The following PATJ variants were observed in gnomAD, a reference collection of about 807,000 sequenced individuals.
PATJ encodes the protein inaD-like protein.
A neutral mutation model predicts 224.9 loss-of-function variants in PATJ; 190 were observed. That is an observed-to-expected ratio of 0.84 (90% CI 0.75 to 0.95). The LOEUF (loss-of-function observed/expected upper bound fraction) is 0.95. Ranked by LOEUF, PATJ falls within the 40% of genes least tolerant of loss-of-function variation. The pLI, the probability that PATJ is intolerant of heterozygous loss-of-function variation, is 0.00. For missense variants in PATJ, 2,121 were observed against 2,270.3 expected (o/e 0.93, Z 1.34); for synonymous variants, 769 against 820.3 (o/e 0.94, Z 1.07).
At chr1:62,106,158 G>GTGTGTGTATATATATATATATATATATA (rs1356937495) in intron 33 of PATJ, among the ~76,000 whole-genome samples, 4 of 48,064 alleles carry the variant, frequency 8.3e-5, no homozygotes, top group Non-Finnish European at 1.8e-4. Flanking sequence ...GTGTGTGTGT[G>GTGTGTGTATATATATATATATATATATA]TATATATATA....
chr1:61,854,671 C>T (rs1283652410), intron 17 of PATJ, among the ~76,000 whole-genome samples: 14 of 152,068 alleles, frequency 9.2e-5, no homozygotes, highest in South Asian at 4.1e-4. Context: ...GCCTCGGTTT[C>T]GTCATCTGTA....
intron 1 of PATJ, among the ~76,000 whole-genome samples, chr1:61,753,175 C>T (rs933828305): frequency 1.3e-5 from 2 of 152,160 alleles, no homozygotes; most frequent in Non-Finnish European, 2.9e-5. Context: ...TTACACTTGA[C>T]ATTGATCTTT....
intron 25 of PATJ, 67 bp from the exon 26 acceptor site, chr1:61,914,520 G>T: frequency 1.3e-6 from 1 of 740,950 alleles, no homozygotes. Context: ...AATGTCAAGA[G>T]AAAAAAAAGG....
chr1:62,083,100 A>T (rs1558144247), intron 32 of PATJ, among the ~76,000 whole-genome samples: 1 of 152,148 alleles, frequency 6.6e-6, no homozygotes, highest in Non-Finnish European at 1.5e-5. Flanking sequence ...AAACTATTCA[A>T]CATTTTGAAT....
chr1:61,833,598 C>G (rs1024657076), intron 16 of PATJ, 56 bp from the exon 17 acceptor site: 1 of 1,522,610 alleles, frequency 6.6e-7, no homozygotes, highest in Non-Finnish European at 8.9e-7. Flanking sequence ...TGTGTGCATT[C>G]TTTTCAGAAT....
chr1:62,127,310 T>TC (rs1665814878), intron 39 of PATJ, among the ~76,000 whole-genome samples: 1 of 152,202 alleles, frequency 6.6e-6, no homozygotes, highest in African/African-American at 2.4e-5. Context: ...GTGATGTCCT[T>TC]CCTGCAGGGT....
chr1:61,795,633 A>G, intron 10 of PATJ, 75 bp downstream of exon 10: 1 of 835,236 alleles, frequency 1.2e-6, no homozygotes, highest in South Asian at 1.5e-5. Context: ...TACATGTGAG[A>G]GGGGGAATAG....
intron 20 of PATJ, among the ~76,000 whole-genome samples, chr1:61,874,396 C>T (rs1667083091): frequency 6.6e-6 from 1 of 152,002 alleles, no homozygotes; most frequent in Non-Finnish European, 1.5e-5. Flanking sequence ...CAGGGTTTCC[C>T]CATGTTGGCT....
intron 31 of PATJ, among the ~76,000 whole-genome samples, chr1:62,062,434 A>G (rs139865080): frequency 0.014 from 618 of 43,014 alleles, 4 homozygotes; most frequent in Middle Eastern, 0.026. Context: ...TTTTGACAGG[A>G]TCTCACTGTG....
chr1:61,834,317 AT>A (rs1235417173), intron 17 of PATJ, among the ~76,000 whole-genome samples: 1 of 152,216 alleles, frequency 6.6e-6, no homozygotes, highest in Admixed American at 6.5e-5. Context: ...ATGTGCTTAA[AT>A]AAATAGAAGT....
At chr1:61,814,603 CATT>C (rs1183429324) in intron 14 of PATJ, among the ~76,000 whole-genome samples, 1 of 151,494 alleles carries the variant, frequency 6.6e-6, no homozygotes, top group African/African-American at 2.4e-5. Context: ...TTCCATGTAA[CATT>C]ATCATATATT....
intron 28 of PATJ, among the ~76,000 whole-genome samples, chr1:61,990,905 C>G (rs1645024291): frequency 6.6e-6 from 1 of 152,104 alleles, no homozygotes; most frequent in Admixed American, 6.6e-5. Context: ...GATGACTGAT[C>G]CTCTTTTAAT....
intron 33 of PATJ, among the ~76,000 whole-genome samples, chr1:62,087,922 G>A (rs1660226237): frequency 6.9e-6 from 1 of 144,190 alleles, no homozygotes; most frequent in African/African-American, 2.6e-5. Flanking sequence ...ACGGAGTTTC[G>A]CTCTCCTTGC....
At chr1:61,851,905 A>C (rs778142228) in intron 17 of PATJ, among the ~76,000 whole-genome samples, 1 of 152,030 alleles carries the variant, frequency 6.6e-6, no homozygotes, top group Non-Finnish European at 1.5e-5. Flanking sequence ...ATGCTTGAGT[A>C]TATGCTGATG....
At chr1:62,090,325 C>G (rs1276337331) in intron 33 of PATJ, among the ~76,000 whole-genome samples, 1 of 152,108 alleles carries the variant, frequency 6.6e-6, no homozygotes, top group African/African-American at 2.4e-5. Flanking sequence ...TATGTTTGCT[C>G]AAAGGCTGCC....
chr1:62,160,837 G>C, intron 43 of PATJ, 71 bp from the exon 44 acceptor site: 2 of 1,514,746 alleles, frequency 1.3e-6, no homozygotes, highest in Non-Finnish European at 9.1e-7. Flanking sequence ...ACAGATGTTA[G>C]AGGTTTTAAT....
At chr1:61,989,605 G>A (rs1644951107) in intron 27 of PATJ, among the ~76,000 whole-genome samples, 1 of 152,082 alleles carries the variant, frequency 6.6e-6, no homozygotes, top group South Asian at 2.1e-4. Flanking sequence ...CAAATACTTT[G>A]CTTGCCTCAA....
intron 1 of PATJ, among the ~76,000 whole-genome samples, chr1:61,761,164 A>G (rs1290820198): frequency 6.6e-6 from 1 of 151,944 alleles, no homozygotes; most frequent in East Asian, 1.9e-4. Flanking sequence ...TTTTGTAGAG[A>G]TGAGGTTTCA....
intron 15 of PATJ, 135 bp from the exon 16 acceptor site, chr1:61,827,287 G>T: frequency 1.5e-6 from 1 of 657,260 alleles, no homozygotes; most frequent in Non-Finnish European, 2.5e-6. Flanking sequence ...ATAATATGAT[G>T]AAAGCGAGGC....
Sources: allele counts gnomAD v4.1 joint callset (sites outside exome capture counted in the v4.1 genomes callset), GRCh38; gene constraint gnomAD v4.1.1; transcripts MANE v1.5; gene names NCBI Gene and HGNC (gene_info 2026-07-23, HGNC 2026-07-21).